The following STON1 variants were observed in gnomAD, a reference collection of about 807,000 sequenced individuals.
STON1 encodes stonin-1.
STON1 carries 79 observed loss-of-function variants against 60.9 expected under a neutral mutation model. The ratio of observed to expected loss-of-function variants is 1.30; its 90% CI spans 1.08 to 1.56. The LOEUF (loss-of-function observed/expected upper bound fraction) is 1.56, where lower values mean the gene tolerates loss of function less well. Ranked by LOEUF, STON1 falls within the 40% of genes most tolerant of loss-of-function variation. STON1 has a pLI of 0.00. For synonymous variants in STON1, 363 were observed against 306.9 expected, an observed-to-expected ratio of 1.18 and a Z score of -1.91; for missense variants, 1,166 against 858.9, an observed-to-expected ratio of 1.36 and a Z score of -4.47.
At chr2:48,580,534 T>C in intron 1 of STON1, 53 bp from the exon 2 acceptor site, 2 of 1,291,870 alleles carry the variant, frequency 1.5e-6, no homozygotes, top group Non-Finnish European at 9.9e-7. Flanking sequence ...TTAGTAATGA[T>C]TCCCCCCTTC....
chr2:48,555,329 C>A (rs1672289072), intron 1 of STON1, among the ~76,000 whole-genome samples: 1 of 60,836 alleles, frequency 1.6e-5, no homozygotes, highest in Non-Finnish European at 3.6e-5. Context: ...GGCTGACCCC[C>A]CCCACCTCCC....
At chr2:48,570,843 GTTTTTTT>G (rs70946811) in intron 1 of STON1, among the ~76,000 whole-genome samples, 9 of 77,112 alleles carry the variant, frequency 1.2e-4, no homozygotes, top group South Asian at 4.5e-4. Flanking sequence ...CTGTCTCTGA[GTTTTTTT>G]TTTTTTTTTT....
chr2:48,593,110 TG>T (rs1361765731), intron 3 of STON1, among the ~76,000 whole-genome samples: 1 of 152,146 alleles, frequency 6.6e-6, no homozygotes, highest in Non-Finnish European at 1.5e-5. Context: ...TTGCTGATTT[TG>T]TTTAAAAGGT....
At chr2:48,567,556 C>T (rs1056687348) in intron 1 of STON1, among the ~76,000 whole-genome samples, 3 of 152,216 alleles carry the variant, frequency 2.0e-5, no homozygotes, top group African/African-American at 4.8e-5. Flanking sequence ...GGATTACAGG[C>T]GCCCACCACC....
At chr2:48,557,255 A>C (rs1204098275) in intron 1 of STON1, among the ~76,000 whole-genome samples, 2 of 60,332 alleles carry the variant, frequency 3.3e-5, no homozygotes, top group African/African-American at 6.6e-5. Context: ...CTCACTTCTC[A>C]GACGGGGCGG....
intron 1 of STON1, among the ~76,000 whole-genome samples, chr2:48,534,687 C>G (rs993728674): frequency 3.3e-5 from 5 of 152,046 alleles, no homozygotes; most frequent in African/African-American, 1.2e-4. Flanking sequence ...GGAGGCTGAG[C>G]TGGGAGGATC....
At position 48,564,575 on chromosome 2, in the gene STON1, C is replaced by T. The variant is rs200302159; in HGVS notation, c.-47-16012C>T. On this transcript the variant is annotated intron_variant, in intron 1 of 3. Transcript: ENST00000404752. ...TTCTTCTTCTTCTTCTTCTCCTTCTCCTTCTCCTCCTCCTCCTCCTCCTCC... is the reference window on the plus strand; with the variant it reads ...TTCTTCTTCTTCTTCTTCTCCTTCTTCTTCTCCTCCTCCTCCTCCTCCTCC... Among the ~76,000 whole-genome samples, 190 of 48,614 alleles carry T rather than the reference C, an allele frequency of 3.9e-3. 12 individuals are homozygous for T. The highest frequency in any genetic ancestry group is 4.8e-3 in the Non-Finnish European group (112 of 23,310). 31.9% of individuals were successfully genotyped at this position (48,614 alleles called of 152,430 possible).
intron 1 of STON1, among the ~76,000 whole-genome samples, chr2:48,573,912 G>A (rs921277256): frequency 6.6e-6 from 1 of 152,190 alleles, no homozygotes; most frequent in Non-Finnish European, 1.5e-5. Context: ...GGTGAAAGAA[G>A]CCAGACACAA....
At chr2:48,543,732 A>G (rs1347117721) in intron 1 of STON1, among the ~76,000 whole-genome samples, 2 of 151,914 alleles carry the variant, frequency 1.3e-5, no homozygotes, top group Non-Finnish European at 2.9e-5. Context: ...GGGTTTCTCC[A>G]TGTTGACCAG....
intron 2 of STON1, among the ~76,000 whole-genome samples, chr2:48,585,078 C>T (rs1267323986): frequency 6.6e-6 from 1 of 152,128 alleles, no homozygotes; most frequent in African/African-American, 2.4e-5. Flanking sequence ...ATGTTCAGTT[C>T]CCCCATACTA....
At chr2:48,573,857 A>G (rs1486162671) in intron 1 of STON1, among the ~76,000 whole-genome samples, 2 of 152,240 alleles carry the variant, frequency 1.3e-5, no homozygotes, top group Non-Finnish European at 2.9e-5. Flanking sequence ...GGAAGGAAGC[A>G]GTGATATGTG....
chr2:48,590,514 C>T (rs1313869875), intron 2 of STON1, among the ~76,000 whole-genome samples: 3 of 152,050 alleles, frequency 2.0e-5, no homozygotes, highest in African/African-American at 7.3e-5. Flanking sequence ...TTATCTCATA[C>T]ATTTATTTAA....
At chr2:48,558,153 G>T (rs1672461336) in intron 1 of STON1, among the ~76,000 whole-genome samples, 1 of 152,238 alleles carries the variant, frequency 6.6e-6, no homozygotes, top group African/African-American at 2.4e-5. Flanking sequence ...AACCCGGGAG[G>T]CAGAGGCGGC....
At chr2:48,565,278 T>C (rs1361611647) in intron 1 of STON1, among the ~76,000 whole-genome samples, 1 of 151,442 alleles carries the variant, frequency 6.6e-6, no homozygotes, top group Non-Finnish European at 1.5e-5. Context: ...GGTCTCGATC[T>C]CCTGACCTCG....
At position 48,582,339 on chromosome 2, in the gene STON1, G is replaced by A. The variant is rs116123432; in HGVS notation, c.1706G>A (p.Arg569Lys). Residue 569 changes from arginine to lysine, a missense_variant, in exon 2 of 4, where the codon AGG becomes AAG. Transcript: ENST00000404752. ...AGSLRSCDNI[R>K]IHFPVPSQWI... ...TCCTTAAGGTCCTGTGACAATATAA[G>A]GATACACTTTCCTGTCCCATCGCAG... is the stretch of plus-strand genomic sequence containing the variant. The A allele has an allele frequency of 8.5e-4, 1,368 of 1,614,168 alleles. 11 individuals are homozygous for A. The African/African-American group carries it at 0.016, about 19-fold the overall frequency.
chr2:48,591,782 T>C lies in STON1; in HGVS notation c.2060T>C (p.Val687Ala). The change falls in exon 3 of 4, where the codon GTC becomes GCC. Residue 687 changes from valine (V) to alanine (A), a missense_variant. Physicochemically the swap from Val to Ala is moderately conservative, Grantham distance 64. Coordinates refer to ENST00000404752, the MANE Select transcript of STON1 (RefSeq NM_006873.4). ...GACACCTGTGCCTCAAGGACAGAGG[T>C]CAGGTCTCTGGGAGTGGAGAGTGAT... ...VPDTCASRTE[V>A]RSLGVESDVQ... 1 of 1,614,174 alleles carries C rather than the reference T, an allele frequency of 6.2e-7. No individual in the cohort carries two copies. The highest frequency in any genetic ancestry group is 8.5e-7 in the Non-Finnish European group (1 of 1,180,028).
Position 48,595,227 on chromosome 2 carries a change from G to A in STON1, c.2134-1G>A. On this transcript the variant is annotated splice_acceptor_variant, in intron 3 of 3. Coordinates refer to ENST00000404752, the MANE Select transcript of STON1 (RefSeq NM_006873.4). LOFTEE classifies it high-confidence loss of function. ...GCCTGTGTTTTGCTTTTGCATAACA[G>A]GTTGAAATAGAAAAGAAGTGGATTA... The A allele has an allele frequency of 6.2e-7, 1 of 1,613,416 alleles. No homozygotes were observed. The highest frequency in any genetic ancestry group is 8.5e-7 in the Non-Finnish European group (1 of 1,179,438).
intron 1 of STON1, among the ~76,000 whole-genome samples, chr2:48,564,483 CTTCTTCTTCTT>C (rs1672791463): frequency 2.3e-4 from 6 of 26,396 alleles, no homozygotes; most frequent in Admixed American, 6.8e-4. Context: ...CTTCTTCTTT[CTTCTTCTTCTT>C]CTTCTTCTTC....
intron 3 of STON1, among the ~76,000 whole-genome samples, chr2:48,592,225 T>C (rs1343760173): frequency 1.3e-5 from 2 of 152,152 alleles, no homozygotes; most frequent in Admixed American, 1.3e-4. Flanking sequence ...GAATGCCGTA[T>C]ACTAAATTAA....
Sources: allele counts gnomAD v4.1 joint callset (sites outside exome capture counted in the v4.1 genomes callset), GRCh38; gene constraint gnomAD v4.1.1; transcripts MANE v1.5; gene names NCBI Gene and HGNC (gene_info 2026-07-23, HGNC 2026-07-21).